UNC79: variants seen among roughly 807,000 people sequenced by gnomAD.
UNC79 encodes unc-79 subunit of NALCN channel complex.
Under a neutral mutation model 283.1 loss-of-function variants are expected in UNC79, and 37 were observed. The observed-to-expected ratio is 0.13, with a 90% CI of 0.10 to 0.17. The LOEUF (loss-of-function observed/expected upper bound fraction) is 0.17, where lower values mean the gene tolerates loss of function less well. UNC79 is among the 10% of genes least tolerant of loss of function. UNC79 has a pLI of 1.00. For synonymous variants in UNC79, 1,107 were observed against 1,200.2 expected, an observed-to-expected ratio of 0.92 and a Z score of 1.61; for missense variants, 2,272 against 3,211.1, an observed-to-expected ratio of 0.71 and a Z score of 7.07.
At chr14:93,365,577 G>A (rs952775285) in intron 1 of UNC79, among the ~76,000 whole-genome samples, 2 of 152,066 alleles carry the variant, frequency 1.3e-5, no homozygotes, top group Non-Finnish European at 2.9e-5. Context: ...GAACATCCTT[G>A]ACTATGAAGC....
exon 30 of UNC79, chr14:93,622,146 C>T (rs1478215059): frequency 1.2e-6 from 2 of 1,614,128 alleles, no homozygotes; most frequent in Admixed American, 1.7e-5. Context: ...GAGCCTCTTC[C>T]CCCTCTCAGA....
chr14:93,487,167 G>C lies in UNC79; in HGVS notation c.620-496G>C, dbSNP rs563089047. The stretch of plus-strand genomic sequence containing the variant: ...TATATCATTATTTTTTATAATATGT[G>C]ATTTAGAATTTGTATTGTAACTAAA... On this transcript the variant is annotated intron_variant, in intron 4 of 48. Transcript: ENST00000555664. 1.0e-3 allele frequency among the ~76,000 whole-genome samples: 157 copies of C among 152,172 alleles called. 2 individuals carry two copies. The highest frequency in any genetic ancestry group is 3.5e-3 in the African/African-American group (147 of 41,522).
chr14:93,456,425 T>C (rs1393190938), intron 1 of UNC79, among the ~76,000 whole-genome samples: 3 of 152,002 alleles, frequency 2.0e-5, no homozygotes, highest in Admixed American at 1.3e-4. Flanking sequence ...ATGGTGACTA[T>C]TGAAGGTAGA....
intron 22 of UNC79, among the ~76,000 whole-genome samples, chr14:93,592,139 C>T (rs2064727753): frequency 1.4e-5 from 2 of 147,606 alleles, no homozygotes; most frequent in Non-Finnish European, 3.0e-5. Flanking sequence ...CTAGTAACTA[C>T]ATATATTTTA....
At chr14:93,371,419 C>T (rs2054442519) in intron 1 of UNC79, among the ~76,000 whole-genome samples, 1 of 151,870 alleles carries the variant, frequency 6.6e-6, no homozygotes, top group South Asian at 2.1e-4. Flanking sequence ...AAAACACACA[C>T]ACAAACAAAA....
chr14:93,500,929 G>A (rs372473284), intron 7 of UNC79, among the ~76,000 whole-genome samples: 2 of 152,210 alleles, frequency 1.3e-5, no homozygotes, highest in Admixed American at 6.5e-5. Flanking sequence ...AATGAAAATT[G>A]TATGGATTTT....
At chr14:93,541,733 C>T (rs1286288385) in intron 13 of UNC79, among the ~76,000 whole-genome samples, 5 of 152,074 alleles carry the variant, frequency 3.3e-5, no homozygotes, top group East Asian at 3.9e-4. Flanking sequence ...GGGCCGGGAG[C>T]GGTGGCTCAC....
At chr14:93,495,077 T>C (rs536853503) in intron 5 of UNC79, among the ~76,000 whole-genome samples, 2 of 152,312 alleles carry the variant, frequency 1.3e-5, no homozygotes, top group South Asian at 2.1e-4. Context: ...TCATTCTTAC[T>C]GTCCAGAACT....
chr14:93,430,844 G>A lies in UNC79; in HGVS notation c.-186G>A. On this transcript the variant is annotated 5_prime_UTR_variant, in exon 1 of 49. Transcript: ENST00000555664. The surrounding 1 kb of genome is among the most constrained non-coding windows in gnomAD (Gnocchi z 4.6). Reference sequence around the variant, plus strand: ...TCCGGGGGCGATTTCCTAACCTTCCGGGACCGAATTCTGCAATTTGATGTG... The same window carrying A: ...TCCGGGGGCGATTTCCTAACCTTCCAGGACCGAATTCTGCAATTTGATGTG... 1 of 509,796 alleles carries A rather than the reference G, an allele frequency of 2.0e-6. No individual in the cohort carries two copies. Among genetic ancestry groups the A allele is most frequent in the Non-Finnish European group, 3.6e-6 (1 of 278,782 alleles). 31.6% of individuals were successfully genotyped at this position (509,796 alleles called of 1,614,324 possible).
chr14:93,379,390 T>C (rs1340443835), intron 1 of UNC79, among the ~76,000 whole-genome samples: 2 of 152,132 alleles, frequency 1.3e-5, no homozygotes, highest in Non-Finnish European at 2.9e-5. Flanking sequence ...ATGAACAGGC[T>C]AGTAAACTTT....
Position 93,688,789 on chromosome 14 carries a change from T to C in UNC79, c.7034T>C (p.Val2345Ala). Residue 2345 changes from valine (V) to alanine (A), a missense_variant, in exon 44 of 49, where the codon GTG becomes GCG. Around this residue, in one of 11 missense-constraint regions of UNC79, gnomAD observed 225 missense variants for 334.2 expected, o/e 0.67. Transcript: ENST00000555664. The surrounding 1 kb of genome is among the most constrained non-coding windows in gnomAD (Gnocchi z 4.0). ...GGCAACCACAGAGATAACAAAGCTG[T>C]GATCCGCTATCTGCCTTGGCTTTAT... The C allele has an allele frequency of 6.2e-7, 1 of 1,613,544 alleles. No individual in the cohort carries two copies. Among genetic ancestry groups the C allele is most frequent in the Non-Finnish European group, 8.5e-7 (1 of 1,179,868 alleles).
chr14:93,450,790 G>A (rs1307066375), intron 1 of UNC79, among the ~76,000 whole-genome samples: 1 of 151,984 alleles, frequency 6.6e-6, no homozygotes, highest in Non-Finnish European at 1.5e-5. Flanking sequence ...TCATTGTGGT[G>A]GGCTCTTTTA....
chr14:93,521,579 C>T (rs1423050616), intron 7 of UNC79, among the ~76,000 whole-genome samples: 1 of 151,826 alleles, frequency 6.6e-6, no homozygotes, highest in Non-Finnish European at 1.5e-5. Context: ...GTGGGGCTCA[C>T]TGCATTATTT....
At chr14:93,347,123 G>A (rs2053856780) in intron 1 of UNC79, 1 of 832,474 alleles carries the variant, frequency 1.2e-6, no homozygotes, top group African/African-American at 1.8e-5. Flanking sequence ...TGGGCAGAAG[G>A]GGTGGGGTAG....
At chr14:93,505,809 C>G (rs2059509398) in intron 7 of UNC79, among the ~76,000 whole-genome samples, 1 of 150,810 alleles carries the variant, frequency 6.6e-6, no homozygotes, top group African/African-American at 2.4e-5. Context: ...TTATTTAGTC[C>G]TCTACTATTC....
intron 12 of UNC79, among the ~76,000 whole-genome samples, chr14:93,539,035 TG>T (rs2061238037): frequency 6.6e-6 from 1 of 151,124 alleles, no homozygotes; most frequent in Non-Finnish European, 1.5e-5. Context: ...CCTGAGTAGC[TG>T]GGATTACAGG....
chr14:93,384,513 C>G (rs373533569), intron 1 of UNC79, among the ~76,000 whole-genome samples: 11 of 152,276 alleles, frequency 7.2e-5, no homozygotes, highest in African/African-American at 2.2e-4. Context: ...GGAGAAATGT[C>G]TATTCAGATC....
At chr14:93,594,725 G>T (rs1277880772) in intron 23 of UNC79, among the ~76,000 whole-genome samples, 1 of 152,056 alleles carries the variant, frequency 6.6e-6, no homozygotes, top group African/African-American at 2.4e-5. Context: ...GAACCTGGGA[G>T]GGTTCTCTTA....
At position 93,617,192 on chromosome 14, in the gene UNC79, C is replaced by G. The variant is rs143461658; in HGVS notation, c.4112C>G (p.Ser1371Cys). ...GTGGTTCAGGTGCTCAAATACTGCT[C>G]TTGTCCTCAACTCCGGCATTATTTC... is the stretch of plus-strand genomic sequence containing the variant. The change falls in exon 28 of 49, where the codon TCT (serine) becomes TGT (cysteine). Residue 1371 changes from serine (S) to cysteine (C), a missense_variant. Coordinates refer to ENST00000555664, the Ensembl canonical transcript of UNC79. The surrounding 1 kb of genome is among the most constrained non-coding windows in gnomAD (Gnocchi z 4.5). The G allele has an allele frequency of 4.7e-4, 757 of 1,614,200 alleles. 7 individuals carry two copies. The African/African-American group carries it at 9.2e-3, about 20-fold the overall frequency.
Sources: gnomAD v4.1 joint callset for allele counts (sites outside exome capture counted in the v4.1 genomes callset) on GRCh38, gnomAD v4.1.1 for gene constraint, gnomAD v4.1.1 regional missense constraint, Gnocchi (gnomAD v3.1) non-coding constraint, MANE v1.5 for transcripts, NCBI Gene and HGNC (gene_info 2026-07-23, HGNC 2026-07-21) for gene names.